The following STAT3 variants were observed in gnomAD, a reference collection of about 807,000 sequenced individuals.
STAT3 encodes the protein DNA-binding protein APRF.
STAT3 carries 7 observed loss-of-function variants against 114.3 expected under a neutral mutation model. That is an observed-to-expected ratio of 0.06 (90% CI 0.03 to 0.11). The LOEUF is 0.11. Ranked by LOEUF, STAT3 falls within the 10% of genes least tolerant of loss-of-function variation. STAT3 has a pLI of 1.00. For synonymous variants in STAT3, 331 were observed against 354.5 expected (o/e 0.93, Z 0.74); for missense variants, 364 against 960.9 (o/e 0.38, Z 8.21).
chr17:42,344,790 C>T (rs1051534435), intron 4 of STAT3, among the ~76,000 whole-genome samples: 1 of 150,984 alleles, frequency 6.6e-6, no homozygotes, highest in Non-Finnish European at 1.5e-5. Context: ...GAGGCTCAGG[C>T]AATCTGCCCG....
rs1241847118 is a variant in STAT3 at position 42,323,240 on chromosome 17, GCA to G, written c.1748+18_1748+19del. On this transcript the variant is annotated intron_variant, in intron 19 of 23. Transcript: ENST00000264657. ...GAGCAGGGGACTTGGTTACATCTGT[GCA>G]CACTCTGTCCAACCTACCCTTCGTT... 12 of 1,613,928 alleles carry G rather than the reference GCA, an allele frequency of 7.4e-6. No homozygotes were observed. Among genetic ancestry groups the G allele is most frequent in the Non-Finnish European group, 9.3e-6 (11 of 1,179,946 alleles).
At chr17:42,367,129 G>A (rs1055776581) in intron 1 of STAT3, among the ~76,000 whole-genome samples, 3 of 151,124 alleles carry the variant, frequency 2.0e-5, no homozygotes, top group South Asian at 2.1e-4. Context: ...GTGACACAGC[G>A]AGACTCCGTC....
At chr17:42,328,482 A>G (rs948886960) in intron 14 of STAT3, among the ~76,000 whole-genome samples, 6 of 152,290 alleles carry the variant, frequency 3.9e-5, no homozygotes, top group African/African-American at 1.4e-4. Context: ...ATCTTGGCTC[A>G]CTGCAAGCTC....
At chr17:42,380,268 C>G (rs17883295) in intron 1 of STAT3, among the ~76,000 whole-genome samples, 22 of 151,716 alleles carry the variant, frequency 1.5e-4, no homozygotes, top group Non-Finnish European at 2.5e-4. Flanking sequence ...AACTCCTGAC[C>G]CGCCTCGGCC....
intron 1 of STAT3, among the ~76,000 whole-genome samples, chr17:42,355,745 A>G (rs1487801318): frequency 6.6e-6 from 1 of 152,230 alleles, no homozygotes; most frequent in Non-Finnish European, 1.5e-5. Flanking sequence ...TCTCATTTAT[A>G]TACTTGAATC....
At chr17:42,328,276 A>C (rs1047677702) in intron 14 of STAT3, among the ~76,000 whole-genome samples, 2 of 152,196 alleles carry the variant, frequency 1.3e-5, no homozygotes, top group African/African-American at 2.4e-5. Flanking sequence ...TATACTAATA[A>C]TACTATTCAA....
chr17:42,345,773 A>G (rs2082670375), intron 3 of STAT3, 116 bp from the exon 4 acceptor site: 1 of 1,063,010 alleles, frequency 9.4e-7, no homozygotes, highest in African/African-American at 1.6e-5. Context: ...TCTAGGAAAC[A>G]ACGGAACAAA....
At chr17:42,332,163 G>C (rs2082043062) in intron 10 of STAT3, among the ~76,000 whole-genome samples, 1 of 151,498 alleles carries the variant, frequency 6.6e-6, no homozygotes, top group Non-Finnish European at 1.5e-5. Context: ...CCGACCTCAG[G>C]TGATCCACCC....
chr17:42,315,719 T>G lies in STAT3; in HGVS notation c.*26A>C. ...TGCAGGTAGGCGCCTCAGTCGTATC[T>G]TTCTGCAGCTTCCGTTCTCAGCTCC... On this transcript the variant is annotated 3_prime_UTR_variant, in exon 24 of 24. Transcript: ENST00000264657. 1 of 1,612,096 alleles carries G rather than the reference T, an allele frequency of 6.2e-7. No homozygotes were observed.
intron 10 of STAT3, among the ~76,000 whole-genome samples, chr17:42,332,121 T>C (rs1224994162): frequency 6.6e-6 from 1 of 151,504 alleles, no homozygotes; most frequent in African/African-American, 2.4e-5. Flanking sequence ...GAGACAGAGT[T>C]TCTCCATGTT....
intron 10 of STAT3, among the ~76,000 whole-genome samples, chr17:42,332,415 G>A (rs867172344): frequency 6.7e-6 from 1 of 149,258 alleles, no homozygotes; most frequent in African/African-American, 2.5e-5. Context: ...GCAGGTACCT[G>A]TAATCCCAGC....
At chr17:42,373,833 C>T (rs556881244) in intron 1 of STAT3, among the ~76,000 whole-genome samples, 246 of 148,604 alleles carry the variant, frequency 1.7e-3, no homozygotes, top group African/African-American at 5.9e-3. Flanking sequence ...TGCAGTGAGC[C>T]GAGATCGCGC....
At position 42,371,676 on chromosome 17, in the gene STAT3, CA is replaced by C. The variant is rs71359559; in HGVS notation, c.-24+16602del. 5.1e-3 allele frequency among the ~76,000 whole-genome samples: 466 copies of C among 90,988 alleles called. 4 individuals are homozygous for C. The highest frequency in any genetic ancestry group is 0.011 in the African/African-American group (255 of 22,894). 59.7% of individuals were successfully genotyped at this position (90,988 alleles called of 152,430 possible). ...GGTCAACAGGAGCAAAACTCTGTCT[CA>C]AAAAAAAAAAAAAAAAAATTGAGGC... is the stretch of plus-strand genomic sequence containing the variant. On this transcript the variant is annotated intron_variant, in intron 1 of 23. Transcript: ENST00000264657.
chr17:42,326,344 C>T (rs1224797094), intron 14 of STAT3, 145 bp from the exon 15 acceptor site: 6 of 690,258 alleles, frequency 8.7e-6, no homozygotes, highest in Non-Finnish European at 1.5e-5. Flanking sequence ...TCCATCTCTG[C>T]AAAAAATACA....
At chr17:42,343,213 A>C (rs1044366666) in intron 4 of STAT3, among the ~76,000 whole-genome samples, 2 of 151,636 alleles carry the variant, frequency 1.3e-5, no homozygotes, top group South Asian at 4.1e-4. Context: ...TAAATTTGAA[A>C]TGTAATGTTA....
At position 42,346,549 on chromosome 17, in the gene STAT3, T is replaced by C; in HGVS notation, c.273+20A>G. The C allele has an allele frequency of 6.2e-7, 1 of 1,614,078 alleles. No individual in the cohort carries two copies. The highest frequency in any genetic ancestry group is 8.5e-7 in the Non-Finnish European group (1 of 1,179,990). On this transcript the variant is annotated intron_variant, in intron 3 of 23. Coordinates refer to ENST00000264657, the MANE Select transcript of STAT3 (RefSeq NM_139276.3). Reference sequence around the variant, plus strand: ...ACTCTGCGGGTCCTGTTTCTCCTTGTCCTCAGTTTCTCATCATACCTGAAG... The same window carrying C: ...ACTCTGCGGGTCCTGTTTCTCCTTGCCCTCAGTTTCTCATCATACCTGAAG...
In STAT3 at chr17:42,350,959, C is replaced by T. The variant is rs550752808; in HGVS notation, c.-23-2420G>A. On this transcript the variant is annotated intron_variant, in intron 1 of 23. Transcript: ENST00000264657. ...CATCCTGGCCAATATGGTGAAACCC[C>T]GTCTCTACTAAAAATACAAAAATTA... Among the ~76,000 whole-genome samples, 14 of 151,832 alleles carry T rather than the reference C, an allele frequency of 9.2e-5. No homozygotes were observed. The South Asian group carries it at 1.7e-3, about 18-fold the overall frequency.
intron 3 of STAT3, 89 bp from the exon 4 acceptor site, chr17:42,345,746 TCAAG>T: frequency 8.3e-7 from 1 of 1,199,708 alleles, no homozygotes; most frequent in Non-Finnish European, 1.2e-6. Context: ...AATGTATTCA[TCAAG>T]GAAAGCATTT....
chr17:42,335,345 T>C (rs1439567104), intron 8 of STAT3, among the ~76,000 whole-genome samples: 1 of 152,104 alleles, frequency 6.6e-6, no homozygotes, highest in Non-Finnish European at 1.5e-5. Context: ...TGAAGTGTAA[T>C]GGCACATGTC....
Sources: allele counts gnomAD v4.1 joint callset (sites outside exome capture counted in the v4.1 genomes callset), GRCh38; gene constraint gnomAD v4.1.1; transcripts MANE v1.5; gene names NCBI Gene and HGNC (gene_info 2026-07-23, HGNC 2026-07-21).